Variants in ADAMTSL1 observed in about 807,000 individuals in gnomAD.
ADAMTSL1 encodes the protein ADAMTS-like protein 1.
In ADAMTSL1, 126 loss-of-function variants were observed where a neutral mutation model predicts 201.8. The observed-to-expected ratio is 0.62, with a 90% CI of 0.54 to 0.72. The LOEUF is 0.72. Ranked by LOEUF, ADAMTSL1 falls within the 30% of genes least tolerant of loss-of-function variation. The probability of loss-of-function intolerance (pLI) is 0.00; values close to 1 mark genes in which losing one functional copy is unlikely to be tolerated. For synonymous variants in ADAMTSL1, 1,121 were observed against 903.4 expected (o/e 1.24, Z -4.32); for missense variants, 2,679 against 2,277.8 (o/e 1.18, Z -3.59).
intron 15 of ADAMTSL1, among the ~76,000 whole-genome samples, chr9:18,728,032 A>G (rs1199410206): frequency 6.6e-6 from 1 of 152,044 alleles, no homozygotes; most frequent in Non-Finnish European, 1.5e-5. Flanking sequence ...GTGAGCCAAG[A>G]TCATGCCATT....
intron 1 of ADAMTSL1, among the ~76,000 whole-genome samples, chr9:18,475,205 C>T (rs1341063): frequency 0.26 from 38,959 of 152,106 alleles, 5,630 homozygotes; most frequent in East Asian, 0.36. Context: ...GTAGTTTTTC[C>T]TGTCACATTT....
rs1031866842 is a variant in ADAMTSL1 at position 17,911,678 on chromosome 9, T to C, written c.87+4756T>C. ...CCTGATTTCCAACTAAAATTCTTTT[T>C]CTTATTTTATTTTATTACTATTATA... On this transcript the variant is annotated intron_variant, in intron 1 of 29. Transcript: ENST00000680146. Among the ~76,000 whole-genome samples, 2 of 68,836 alleles carry C rather than the reference T, an allele frequency of 2.9e-5. 1 individual carries two copies. Among genetic ancestry groups the C allele is most frequent in the East Asian group, 8.4e-3 (2 of 238 alleles). 45.2% of individuals were successfully genotyped at this position (68,836 alleles called of 152,430 possible).
chr9:18,593,380 AT>A (rs2132492201), intron 4 of ADAMTSL1, among the ~76,000 whole-genome samples: 1 of 151,684 alleles, frequency 6.6e-6, no homozygotes, highest in South Asian at 2.1e-4. Flanking sequence ...GATCTTTTAT[AT>A]TGTTTTCCTC....
intron 1 of ADAMTSL1, among the ~76,000 whole-genome samples, chr9:18,075,318 A>T (rs189700050): frequency 1.3e-5 from 2 of 152,214 alleles, no homozygotes; most frequent in African/African-American, 4.8e-5. Flanking sequence ...ATGCATTTTT[A>T]AAAAGTGAAG....
intron 1 of ADAMTSL1, among the ~76,000 whole-genome samples, chr9:17,947,310 CAT>C (rs1009721216): frequency 2.2e-4 from 21 of 94,832 alleles, no homozygotes; most frequent in Middle Eastern, 0.01. Context: ...CTTATACACA[CAT>C]ACACACACAC....
At chr9:18,128,137 G>C (rs1670168277) in intron 1 of ADAMTSL1, among the ~76,000 whole-genome samples, 1 of 152,148 alleles carries the variant, frequency 6.6e-6, no homozygotes, top group Non-Finnish European at 1.5e-5. Context: ...AGGTAGAAAG[G>C]CTTCTGGGTA....
chr9:18,181,581 A>T (rs1392932133), intron 2 of ADAMTSL1, among the ~76,000 whole-genome samples: 12 of 152,146 alleles, frequency 7.9e-5, no homozygotes, highest in Non-Finnish European at 1.8e-4. Flanking sequence ...TCAAAACCAC[A>T]ATGAGATACC....
intron 8 of ADAMTSL1, among the ~76,000 whole-genome samples, chr9:18,661,061 T>G (rs1829058422): frequency 6.6e-6 from 1 of 152,184 alleles, no homozygotes; most frequent in Non-Finnish European, 1.5e-5. Flanking sequence ...TTTAAAATTC[T>G]CTATGCACAT....
chr9:18,118,484 A>T (rs1825359060), intron 1 of ADAMTSL1, among the ~76,000 whole-genome samples: 1 of 152,180 alleles, frequency 6.6e-6, no homozygotes, highest in African/African-American at 2.4e-5. Context: ...TCATCCCTAA[A>T]TGAAAGTGCC....
chr9:18,608,451 A>C (rs183591400), intron 4 of ADAMTSL1, among the ~76,000 whole-genome samples: 2 of 152,244 alleles, frequency 1.3e-5, no homozygotes, highest in Admixed American at 6.5e-5. Flanking sequence ...TATGCATGTG[A>C]GTGGGGGGTT....
chr9:18,420,261 G>A (rs889521365), intron 2 of ADAMTSL1, among the ~76,000 whole-genome samples: 1 of 152,188 alleles, frequency 6.6e-6, no homozygotes, highest in Non-Finnish European at 1.5e-5. Flanking sequence ...ATGAACTGGA[G>A]AGGAGAGTCT....
At chr9:18,626,020 A>C (rs894508774) in intron 5 of ADAMTSL1, among the ~76,000 whole-genome samples, 1 of 152,226 alleles carries the variant, frequency 6.6e-6, no homozygotes, top group Non-Finnish European at 1.5e-5. Context: ...ACAGGCCTCT[A>C]TGTTATAAAG....
intron 1 of ADAMTSL1, among the ~76,000 whole-genome samples, chr9:18,478,853 C>T (rs1158720306): frequency 6.6e-6 from 1 of 152,178 alleles, no homozygotes; most frequent in Non-Finnish European, 1.5e-5. Context: ...TACTAACTTT[C>T]TTCTTTTAGA....
intron 23 of ADAMTSL1, among the ~76,000 whole-genome samples, chr9:18,880,545 T>C (rs1828462875): frequency 6.6e-6 from 1 of 152,250 alleles, no homozygotes; most frequent in African/African-American, 2.4e-5. Flanking sequence ...AGGCTTTTTC[T>C]CTGAGCAGTA....
intron 10 of ADAMTSL1, among the ~76,000 whole-genome samples, chr9:18,677,920 A>G (rs1010989967): frequency 6.6e-6 from 1 of 152,072 alleles, no homozygotes; most frequent in Non-Finnish European, 1.5e-5. Context: ...CTGTGTTTTC[A>G]TTCGTAAGAA....
chr9:18,642,404 G>A (rs181566872), intron 7 of ADAMTSL1, among the ~76,000 whole-genome samples: 2 of 152,050 alleles, frequency 1.3e-5, no homozygotes, highest in South Asian at 2.1e-4. Context: ...TAACATATGT[G>A]TTACTTCACA....
At chr9:18,096,161 A>C (rs1280405813) in intron 1 of ADAMTSL1, among the ~76,000 whole-genome samples, 1 of 152,206 alleles carries the variant, frequency 6.6e-6, no homozygotes, top group Non-Finnish European at 1.5e-5. Context: ...TGTAAGTAAT[A>C]TGGCATGTAC....
intron 2 of ADAMTSL1, among the ~76,000 whole-genome samples, chr9:18,320,421 C>T (rs2132849846): frequency 6.6e-6 from 1 of 152,240 alleles, no homozygotes; most frequent in African/African-American, 2.4e-5. Flanking sequence ...CAAAAACATC[C>T]TTCATAAATG....
At chr9:18,189,663 G>T (rs1361765351) in intron 2 of ADAMTSL1, among the ~76,000 whole-genome samples, 1 of 151,704 alleles carries the variant, frequency 6.6e-6, no homozygotes, top group Non-Finnish European at 1.5e-5. Context: ...AACTGTATAG[G>T]GTAAAAGCCT....
Sources: allele counts gnomAD v4.1 joint callset (sites outside exome capture counted in the v4.1 genomes callset), GRCh38; gene constraint gnomAD v4.1.1; transcripts MANE v1.5; gene names NCBI Gene and HGNC (gene_info 2026-07-23, HGNC 2026-07-21).